Variants in SPAG1 observed in about 807,000 individuals in gnomAD.
The protein encoded by SPAG1 is sperm associated antigen 1, also known as sperm-associated antigen 1.
Under a neutral mutation model 100.5 loss-of-function variants are expected in SPAG1, and 69 were observed. That is an observed-to-expected ratio of 0.69 (90% confidence interval 0.57 to 0.84). The LOEUF (loss-of-function observed/expected upper bound fraction) is 0.84, where lower values mean the gene tolerates loss of function less well. Among genes scored for constraint, SPAG1 ranks in the 40% least tolerant of loss-of-function variants. The probability of loss-of-function intolerance (pLI) is 0.00; values close to 1 mark genes in which losing one functional copy is unlikely to be tolerated. For synonymous variants in SPAG1, 336 were observed against 411.6 expected, an observed-to-expected ratio of 0.82 and a Z score of 2.22; for missense variants, 955 against 1,133.1, an observed-to-expected ratio of 0.84 and a Z score of 2.26.
At chr8:100,187,986 G>A (rs1337421579) in intron 8 of SPAG1, among the ~76,000 whole-genome samples, 1 of 152,072 alleles carries the variant, frequency 6.6e-6, no homozygotes, top group Admixed American at 6.6e-5. Context: ...CCAAGTAGCT[G>A]GGACTATAGG....
intron 10 of SPAG1, among the ~76,000 whole-genome samples, chr8:100,197,737 T>A (rs550413187): frequency 1.3e-5 from 2 of 152,352 alleles, no homozygotes; most frequent in African/African-American, 4.8e-5. Context: ...TGCTGTCCCT[T>A]TATGATCTCC....
At chr8:100,226,974 T>A (rs747607796) in intron 14 of SPAG1, among the ~76,000 whole-genome samples, 1 of 152,244 alleles carries the variant, frequency 6.6e-6, no homozygotes, top group Non-Finnish European at 1.5e-5. Context: ...AATACCATTG[T>A]GTTACAGTTG....
intron 7 of SPAG1, among the ~76,000 whole-genome samples, 198 bp downstream of exon 7, chr8:100,184,931 T>C (rs979741113): frequency 6.6e-6 from 1 of 152,212 alleles, no homozygotes; most frequent in Non-Finnish European, 1.5e-5. Context: ...ACTCCACTCC[T>C]ACTTTTGACA....
chr8:100,199,177 C>A (rs1431503177), intron 10 of SPAG1, among the ~76,000 whole-genome samples: 1 of 152,200 alleles, frequency 6.6e-6, no homozygotes, highest in Non-Finnish European at 1.5e-5. Flanking sequence ...CTGTGTTTAA[C>A]TTTGAGGAAA....
rs1817618273 is a variant in SPAG1 at position 100,209,070 on chromosome 8, C to T, written c.1097-4020C>T. 3.3e-5 allele frequency among the ~76,000 whole-genome samples: 5 copies of T among 152,218 alleles called. No individual in the cohort carries two copies. In the South Asian group the frequency reaches 1.0e-3, roughly 32 times the overall value. ...CTTAATCTGGTGGGCACACTCTAAT[C>T]AGCTGCCAGCGAATATAAAGCAGAC... On this transcript the variant is annotated intron_variant, in intron 10 of 18. Coordinates refer to ENST00000388798, the MANE Select transcript of SPAG1 (RefSeq NM_003114.5).
Position 100,221,072 on chromosome 8 carries a change from C to CAAA in SPAG1, c.1688+641_1688+642insAAA, listed in dbSNP as rs1563806904. Among the ~76,000 whole-genome samples, 206 of 142,370 alleles carry CAAA rather than the reference C, an allele frequency of 1.4e-3. 2 individuals carry two copies. Among genetic ancestry groups the CAAA allele is most frequent in the African/African-American group, 5.0e-3 (190 of 38,318 alleles). 93.4% of individuals were successfully genotyped at this position (142,370 alleles called of 152,430 possible). On this transcript the variant is annotated intron_variant, in intron 13 of 18. Coordinates refer to ENST00000388798, the MANE Select transcript of SPAG1 (RefSeq NM_003114.5). ...TGGACAACGGAGCAAGATTCCAACT[C>CAAA]CAAAAAAAAAAATTAAAATAAAATA...
intron 10 of SPAG1, among the ~76,000 whole-genome samples, chr8:100,211,424 G>C (rs2132344590): frequency 6.6e-6 from 1 of 152,304 alleles, no homozygotes; most frequent in African/African-American, 2.4e-5. Context: ...GGAAGGCCAA[G>C]GAGAGAGGAC....
At chr8:100,159,331 T>C (rs1815207104) in intron 1 of SPAG1, among the ~76,000 whole-genome samples, 1 of 152,208 alleles carries the variant, frequency 6.6e-6, no homozygotes, top group Admixed American at 6.5e-5. Context: ...CCTGAAGGTA[T>C]GGTGTGAAAG....
Position 100,233,391 on chromosome 8 carries a change from G to C in SPAG1, c.1989-20G>C, listed in dbSNP as rs1818864513. 5 of 1,612,732 alleles carry C rather than the reference G, an allele frequency of 3.1e-6. No homozygotes were observed. The highest frequency in any genetic ancestry group is 4.2e-6 in the Non-Finnish European group (5 of 1,179,502). ...CAATCTTTACCTTTCATAATACTGA[G>C]TTCCATTGCATTATGCCAGAGCTCT... On this transcript the variant is annotated intron_variant, in intron 15 of 18. Transcript: ENST00000388798.
chr8:100,195,203 CCTT>C (rs1328852283), intron 10 of SPAG1, among the ~76,000 whole-genome samples: 2 of 151,746 alleles, frequency 1.3e-5, no homozygotes, highest in African/African-American at 2.4e-5. Flanking sequence ...GTTTTTCCCT[CCTT>C]CTTGAGAACA....
At chr8:100,215,759 C>T (rs957098751) in intron 12 of SPAG1, among the ~76,000 whole-genome samples, 3 of 152,130 alleles carry the variant, frequency 2.0e-5, no homozygotes, top group Admixed American at 6.5e-5. Context: ...CTCCTGACCT[C>T]GTGATCCACC....
intron 12 of SPAG1, among the ~76,000 whole-genome samples, chr8:100,214,299 C>T (rs943354436): frequency 3.3e-5 from 5 of 152,188 alleles, no homozygotes; most frequent in Non-Finnish European, 5.9e-5. Context: ...TAACTGTAAA[C>T]TTCTCTGTCA....
At chr8:100,204,954 A>C (rs2132323820) in intron 10 of SPAG1, among the ~76,000 whole-genome samples, 1 of 152,326 alleles carries the variant, frequency 6.6e-6, no homozygotes, top group South Asian at 2.1e-4. Flanking sequence ...GTAGAGGCAA[A>C]GCAGCAATCA....
rs1470986015 is a variant in SPAG1 at position 100,186,426 on chromosome 8, T to C, written c.702-694T>C. The stretch of plus-strand genomic sequence containing the variant: ...ATGTTAACTTACATCAACGGTTTTT[T>C]TTAAAGTGATCTATAGGTATTTATC... On this transcript the variant is annotated intron_variant, in intron 7 of 18. Coordinates refer to ENST00000388798, the MANE Select transcript of SPAG1 (RefSeq NM_003114.5). Among the ~76,000 whole-genome samples the C allele has an allele frequency of 2.0e-5, 3 of 152,194 alleles. No homozygotes were observed. The East Asian group carries it at 5.8e-4, about 29-fold the overall frequency.
At chr8:100,172,056 A>G (rs867896749) in intron 3 of SPAG1, among the ~76,000 whole-genome samples, 29 of 151,326 alleles carry the variant, frequency 1.9e-4, no homozygotes, top group Non-Finnish European at 3.4e-4. Flanking sequence ...CACCGCGCCC[A>G]GCTAATTTTT....
At chr8:100,240,812 T>C in intron 18 of SPAG1, 41 bp downstream of exon 18, 1 of 1,567,386 alleles carries the variant, frequency 6.4e-7, no homozygotes, top group South Asian at 1.2e-5. Flanking sequence ...TTGGTTTTAT[T>C]AGGGTTTCTG....
intron 3 of SPAG1, among the ~76,000 whole-genome samples, chr8:100,166,911 C>T (rs1469439949): frequency 6.6e-6 from 1 of 151,880 alleles, no homozygotes; most frequent in Non-Finnish European, 1.5e-5. Flanking sequence ...TGTCTAAAAA[C>T]AAAAAGCAAG....
At chr8:100,183,838 T>G in intron 5 of SPAG1, 118 bp from the exon 6 acceptor site, 1 of 577,280 alleles carries the variant, frequency 1.7e-6, no homozygotes, top group African/African-American at 2.0e-5. Context: ...ATTAACTTAC[T>G]ACATATTTTT....
Position 100,171,846 on chromosome 8 carries a change from T to A in SPAG1, c.300+5873T>A, listed in dbSNP as rs747922329. Among the ~76,000 whole-genome samples the A allele has an allele frequency of 2.0e-5, 3 of 152,168 alleles. No individual in the cohort carries two copies. The East Asian group carries it at 5.8e-4, about 29-fold the overall frequency. ...GTTTTCTAGAATTTAGGTAAGAGAG[T>A]AAATCTAGTTCCTGACTCCGTCAGG... On this transcript the variant is annotated intron_variant, in intron 3 of 18. Coordinates refer to ENST00000388798, the MANE Select transcript of SPAG1 (RefSeq NM_003114.5).
Sources: gnomAD v4.1 joint callset for allele counts (sites outside exome capture counted in the v4.1 genomes callset) on GRCh38, gnomAD v4.1.1 for gene constraint, MANE v1.5 for transcripts, NCBI Gene and HGNC (gene_info 2026-07-23, HGNC 2026-07-21) for gene names.